Variants in CCSER1 observed in about 807,000 individuals in gnomAD.
The protein encoded by CCSER1 is serine-rich coiled-coil domain-containing protein 1.
Under a neutral mutation model 82.0 loss-of-function variants are expected in CCSER1, and 41 were observed. The observed-to-expected ratio is 0.50, with a 90% CI of 0.39 to 0.65. The LOEUF (loss-of-function observed/expected upper bound fraction) is 0.65, where lower values mean the gene tolerates loss of function less well. Among genes scored for constraint, CCSER1 ranks in the 30% least tolerant of loss-of-function variants. The pLI is 0.00. For synonymous variants in CCSER1, 414 were observed against 383.9 expected, an observed-to-expected ratio of 1.08 and a Z score of -0.92; for missense variants, 1,119 against 1,064.2, an observed-to-expected ratio of 1.05 and a Z score of -0.72.
chr4:91,069,592 A>G (rs1721215057), intron 9 of CCSER1, among the ~76,000 whole-genome samples: 1 of 152,196 alleles, frequency 6.6e-6, no homozygotes, highest in Non-Finnish European at 1.5e-5. Context: ...TTCTGGTGAG[A>G]AGAATAGTCA....
chr4:90,408,372 G>A (rs1486110935), intron 4 of CCSER1, among the ~76,000 whole-genome samples: 3 of 152,202 alleles, frequency 2.0e-5, no homozygotes, highest in Admixed American at 1.3e-4. Flanking sequence ...GCCTAACTGG[G>A]AGGCATCCCC....
chr4:91,295,876 A>G (rs1203889573), intron 10 of CCSER1, among the ~76,000 whole-genome samples: 1 of 151,914 alleles, frequency 6.6e-6, no homozygotes, highest in African/African-American at 2.4e-5. Context: ...CCATTTGAGT[A>G]TATTTTGTAT....
intron 9 of CCSER1, among the ~76,000 whole-genome samples, chr4:91,032,683 T>G (rs1228260512): frequency 6.6e-6 from 1 of 152,188 alleles, no homozygotes; most frequent in Non-Finnish European, 1.5e-5. Context: ...GATTTTTACT[T>G]TATGGGGAAT....
At chr4:90,908,068 T>C (rs1436660789) in intron 8 of CCSER1, among the ~76,000 whole-genome samples, 1 of 152,076 alleles carries the variant, frequency 6.6e-6, no homozygotes. Flanking sequence ...AATATGGTAC[T>C]AAATAAACAT....
intron 1 of CCSER1, among the ~76,000 whole-genome samples, chr4:90,232,205 C>G (rs1438451165): frequency 6.6e-6 from 1 of 152,020 alleles, no homozygotes; most frequent in Admixed American, 6.6e-5. Context: ...AGGCATCACA[C>G]TACCTGACTT....
intron 1 of CCSER1, among the ~76,000 whole-genome samples, chr4:90,200,842 T>C (rs1322623804): frequency 3.3e-5 from 5 of 152,148 alleles, no homozygotes; most frequent in Non-Finnish European, 5.9e-5. Flanking sequence ...TCAGTACTTA[T>C]ATAGCTCCTA....
At chr4:90,608,588 T>C (rs2148806068) in intron 5 of CCSER1, among the ~76,000 whole-genome samples, 1 of 152,240 alleles carries the variant, frequency 6.6e-6, no homozygotes, top group Non-Finnish European at 1.5e-5. Context: ...TTCTGCCTCT[T>C]ATAGTAACAA....
chr4:90,987,751 C>T (rs1736689845), intron 9 of CCSER1, among the ~76,000 whole-genome samples: 1 of 151,602 alleles, frequency 6.6e-6, no homozygotes, highest in Non-Finnish European at 1.5e-5. Context: ...GGACTTGTGC[C>T]ATAGATCTCT....
At chr4:91,391,094 T>A (rs377648879) in intron 10 of CCSER1, among the ~76,000 whole-genome samples, 35 of 152,138 alleles carry the variant, frequency 2.3e-4, no homozygotes, top group Non-Finnish European at 3.1e-4. Context: ...ATGTTTTTTT[T>A]AATTATGCTT....
intron 5 of CCSER1, among the ~76,000 whole-genome samples, chr4:90,493,077 ATGGAGC>A (rs1768334121): frequency 6.6e-6 from 1 of 152,170 alleles, no homozygotes; most frequent in Admixed American, 6.6e-5. Flanking sequence ...AAATTACCTG[ATGGAGC>A]TGAAAAACAT....
chr4:90,916,390 C>T (rs1727425440), intron 8 of CCSER1, among the ~76,000 whole-genome samples: 1 of 152,054 alleles, frequency 6.6e-6, no homozygotes, highest in Non-Finnish European at 1.5e-5. Flanking sequence ...CTTTGACAAA[C>T]CTGACAAAAA....
chr4:90,241,069 T>G (rs1389542661), intron 1 of CCSER1, among the ~76,000 whole-genome samples: 2 of 152,246 alleles, frequency 1.3e-5, no homozygotes, highest in African/African-American at 4.8e-5. Flanking sequence ...GAGTGTGCAC[T>G]AGTAATAGCA....
At chr4:91,158,367 T>A (rs1458577769) in intron 10 of CCSER1, among the ~76,000 whole-genome samples, 1 of 151,986 alleles carries the variant, frequency 6.6e-6, no homozygotes, top group Non-Finnish European at 1.5e-5. Flanking sequence ...GGGAAAAGGA[T>A]TATAGCCCTG....
Position 90,154,256 on chromosome 4 carries a change from G to C in CCSER1, c.-42+26425G>C, listed in dbSNP as rs909711372. ...GATCTATATCTCTGTTTTGGTACCA[G>C]TACCATGCTGTTTTGGTTACTGTAG... On this transcript the variant is annotated intron_variant, in intron 1 of 10. Transcript: ENST00000509176. Among the ~76,000 whole-genome samples, 5 of 152,204 alleles carry C rather than the reference G, an allele frequency of 3.3e-5. No individual in the cohort carries two copies. In the East Asian group the frequency reaches 9.6e-4, roughly 29 times the overall value.
chr4:90,509,426 C>T (rs564403221), intron 5 of CCSER1, among the ~76,000 whole-genome samples: 97 of 152,140 alleles, frequency 6.4e-4, no homozygotes, highest in African/African-American at 2.1e-3. Flanking sequence ...TTTGCTAAGT[C>T]GTTTGCCATC....
intron 7 of CCSER1, among the ~76,000 whole-genome samples, chr4:90,786,632 A>T (rs936488010): frequency 6.6e-6 from 1 of 152,166 alleles, no homozygotes; most frequent in Non-Finnish European, 1.5e-5. Flanking sequence ...CATTTACCAC[A>T]TGGACTTTTG....
chr4:90,299,334 C>G (rs1732646596), intron 1 of CCSER1, among the ~76,000 whole-genome samples: 1 of 151,996 alleles, frequency 6.6e-6, no homozygotes, highest in African/African-American at 2.4e-5. Flanking sequence ...AGGAGTGACC[C>G]AAAGACTGAC....
chr4:90,904,682 A>G (rs1581013354), intron 8 of CCSER1, among the ~76,000 whole-genome samples: 1 of 152,122 alleles, frequency 6.6e-6, no homozygotes, highest in Non-Finnish European at 1.5e-5. Flanking sequence ...CCTGGTCAGA[A>G]AAGTAGCATG....
chr4:90,791,595 A>C lies in CCSER1; in HGVS notation c.2011-24167A>C, dbSNP rs191838331. Among the ~76,000 whole-genome samples, 540 of 152,084 alleles carry C rather than the reference A, an allele frequency of 3.6e-3. 3 individuals carry two copies. Among genetic ancestry groups the C allele is most frequent in the African/African-American group, 0.013 (523 of 41,470 alleles). ...GCCGGGTGCAGTGGCTCATACCTGT[A>C]ATCCCAGCACTTTGGGAGGCCAAGG... On this transcript the variant is annotated intron_variant, in intron 7 of 10. Transcript: ENST00000509176.
Sources: allele counts gnomAD v4.1 joint callset (sites outside exome capture counted in the v4.1 genomes callset), GRCh38; gene constraint gnomAD v4.1.1; transcripts MANE v1.5; gene names NCBI Gene and HGNC (gene_info 2026-07-23, HGNC 2026-07-21).